CDC20B: variants seen among roughly 807,000 people sequenced by gnomAD.
The protein encoded by CDC20B is cell division cycle 20B, also known as cell division cycle protein 20 homolog B.
In CDC20B, 58 loss-of-function variants were observed where a neutral mutation model predicts 64.1. The observed-to-expected ratio is 0.90, with a 90% confidence interval of 0.73 to 1.13. CDC20B has a LOEUF of 1.13. CDC20B is among the 50% of genes most tolerant of loss of function. The pLI is 0.00. For synonymous variants in CDC20B, 243 were observed against 230.6 expected, an observed-to-expected ratio of 1.05 and a Z score of -0.49; for missense variants, 597 against 633.0, an observed-to-expected ratio of 0.94 and a Z score of 0.61.
intron 11 of CDC20B, among the ~76,000 whole-genome samples, chr5:55,116,447 T>C (rs867585483): frequency 1.3e-5 from 2 of 151,360 alleles, no homozygotes; most frequent in Middle Eastern, 3.2e-3. Context: ...CTCTAATGCT[T>C]TTATTTATTT....
intron 1 of CDC20B, 37 bp downstream of exon 1, chr5:55,172,899 TAG>T (rs1424466155): frequency 3.9e-6 from 6 of 1,554,706 alleles, no homozygotes; most frequent in Middle Eastern, 3.5e-4. Context: ...GGCCCCGCAT[TAG>T]AGAGTTAGGG....
intron 2 of CDC20B, among the ~76,000 whole-genome samples, chr5:55,148,953 T>C (rs1384393200): frequency 1.3e-5 from 2 of 152,244 alleles, no homozygotes; most frequent in Non-Finnish European, 2.9e-5. Flanking sequence ...GAGGCTCACC[T>C]GTCTGACCCC....
intron 11 of CDC20B, among the ~76,000 whole-genome samples, chr5:55,115,836 C>G (rs1212969966): frequency 6.6e-6 from 1 of 152,180 alleles, no homozygotes; most frequent in Non-Finnish European, 1.5e-5. Flanking sequence ...ACACACATCA[C>G]TCCCAACACT....
intron 11 of CDC20B, among the ~76,000 whole-genome samples, chr5:55,118,522 C>T (rs1412449716): frequency 1.3e-5 from 2 of 152,172 alleles, no homozygotes; most frequent in Non-Finnish European, 2.9e-5. Flanking sequence ...TTTGAATATC[C>T]TATCACATGC....
intron 2 of CDC20B, chr5:55,160,663 T>C (rs191411128): frequency 4.2e-6 from 2 of 478,154 alleles, no homozygotes; most frequent in East Asian, 3.6e-5. Flanking sequence ...TAGTTAGTAA[T>C]GTGAACATGA....
At chr5:55,121,897 C>T (rs1742768285) in intron 9 of CDC20B, among the ~76,000 whole-genome samples, 1 of 152,186 alleles carries the variant, frequency 6.6e-6, no homozygotes, top group South Asian at 2.1e-4. Context: ...CATCTTAACG[C>T]TTTTCTTACA....
chr5:55,134,249 T>A lies in CDC20B; in HGVS notation c.581-721A>T, dbSNP rs1489232153. Among the ~76,000 whole-genome samples, 6 of 152,186 alleles carry A rather than the reference T, an allele frequency of 3.9e-5. No homozygotes were observed. In the East Asian group the frequency reaches 1.2e-3, roughly 29 times the overall value. ...TCAAAAGAAACCAAGACCACCCAGGTGACTTGTGGTGTCTATGACCAGATG... is the reference window on the plus strand; with the variant it reads ...TCAAAAGAAACCAAGACCACCCAGGAGACTTGTGGTGTCTATGACCAGATG... On this transcript the variant is annotated intron_variant, in intron 5 of 11. Transcript: ENST00000381375.
chr5:55,124,610 C>A (rs1483146572), intron 9 of CDC20B, among the ~76,000 whole-genome samples, 193 bp downstream of exon 9: 1 of 152,114 alleles, frequency 6.6e-6, no homozygotes, highest in Non-Finnish European at 1.5e-5. Context: ...TTTCAGTCAC[C>A]TACAACTAAA....
At chr5:55,135,615 C>T (rs1463896066) in intron 5 of CDC20B, 2 of 152,088 alleles carry the variant, frequency 1.3e-5, no homozygotes, top group Admixed American at 1.3e-4. Context: ...GAAACAGACG[C>T]TTGAGGAATA....
chr5:55,144,985 T>C (rs1010459389), intron 3 of CDC20B, among the ~76,000 whole-genome samples: 3 of 152,182 alleles, frequency 2.0e-5, no homozygotes, highest in African/African-American at 7.2e-5. Flanking sequence ...CAGTAGAAAA[T>C]AAAATGGTCT....
intron 2 of CDC20B, among the ~76,000 whole-genome samples, chr5:55,163,705 A>G (rs1428837153): frequency 6.6e-6 from 1 of 150,970 alleles, no homozygotes; most frequent in Non-Finnish European, 1.5e-5. Flanking sequence ...ATGGGGTTTC[A>G]CCGTGTTGGG....
At position 55,127,365 on chromosome 5, in the gene CDC20B, C is replaced by T. The variant is rs1230759797; in HGVS notation, c.895-14G>A. On this transcript the variant is annotated splice_polypyrimidine_tract_variant and intron_variant, in intron 7 of 11. Transcript: ENST00000381375. ...CACATCCCATAACTGAAAAAATGAACAAGGAGAGTTATGTAGCATTGGAGT... is the reference window on the plus strand; with the variant it reads ...CACATCCCATAACTGAAAAAATGAATAAGGAGAGTTATGTAGCATTGGAGT... 1.9e-6 allele frequency: 3 copies of T among 1,606,432 alleles called. No homozygotes were observed. The highest frequency in any genetic ancestry group is 1.1e-5 in the South Asian group (1 of 90,904).
rs1430294517 is a variant in CDC20B at position 55,140,400 on chromosome 5, A to G, written c.494T>C (p.Leu165Pro). The change falls in exon 5 of 12, where the codon CTA becomes CCA. Residue 165 changes from leucine (L) to proline (P), a missense_variant. Physicochemically the swap from Leu to Pro is moderately conservative, Grantham distance 98 (BLOSUM62 -3). Transcript: ENST00000381375. ...GTTCTGGGTTACAAAGAGTTGTTTTAGGCATTTCTGAAAATAAACACACAT... is the reference window on the plus strand; with the variant it reads ...GTTCTGGGTTACAAAGAGTTGTTTTGGGCATTTCTGAAAATAAACACACAT... ...ESVASKGQKC[L>P]KQLFVTQNVV... 1.9e-6 allele frequency: 3 copies of G among 1,610,910 alleles called. No homozygotes were observed. Among genetic ancestry groups the G allele is most frequent in the Non-Finnish European group, 2.5e-6 (3 of 1,178,290 alleles).
rs547514754 is a variant in CDC20B at position 55,113,879 on chromosome 5, G to A, written c.*339C>T. ...TCAGAAATATGAGGTTTGGAGCTGGGGAGAAAAGTCATACGGGAAAGAAGT... is the reference window on the plus strand; with the variant it reads ...TCAGAAATATGAGGTTTGGAGCTGGAGAGAAAAGTCATACGGGAAAGAAGT... On this transcript the variant is annotated 3_prime_UTR_variant, in exon 12 of 12. Transcript: ENST00000381375. The A allele has an allele frequency of 2.0e-5, 4 of 200,230 alleles. No homozygotes were observed. In the South Asian group the frequency reaches 4.4e-4, roughly 22 times the overall value. The allele number at this position is 200,230 out of a possible 1,614,324, so 12.4% of individuals were successfully genotyped here. A position where few individuals can be genotyped will look rare whatever the true frequency, so the allele number is the denominator to read the frequency against.
rs1256394170 is a variant in CDC20B, at chr5:55,172,341, G to C, written c.126+247C>G. 6.7e-6 allele frequency: 3 copies of C among 447,134 alleles called. No individual in the cohort carries two copies. In the East Asian group the frequency reaches 1.3e-4, roughly 19 times the overall value. The allele number at this position is 447,134 out of a possible 1,614,324, so 27.7% of individuals were successfully genotyped here. A position where few individuals can be genotyped will look rare whatever the true frequency, so the allele number is the denominator to read the frequency against. On this transcript the variant is annotated intron_variant, in intron 2 of 11. Transcript: ENST00000381375. ...GCCGCTAGCAATACACTGCCTACCT[G>C]ACACATCCCAGCTTTATCCTTTGCT...
At chr5:55,164,579 G>T (rs1744280910) in intron 2 of CDC20B, 1 of 155,672 alleles carries the variant, frequency 6.4e-6, no homozygotes, top group South Asian at 2.1e-4. Flanking sequence ...ATATCTTATT[G>T]TTCAACTTGA....
At chr5:55,158,996 G>A (rs140776511) in intron 2 of CDC20B, among the ~76,000 whole-genome samples, 13 of 151,848 alleles carry the variant, frequency 8.6e-5, no homozygotes, top group East Asian at 5.8e-4. Context: ...CTTTATTATC[G>A]AGTTCAATTT....
At chr5:55,159,666 T>C (rs186116844) in intron 2 of CDC20B, among the ~76,000 whole-genome samples, 58 of 152,316 alleles carry the variant, frequency 3.8e-4, no homozygotes, top group African/African-American at 1.3e-3. Context: ...TTTTCAGATA[T>C]TTCCCTGCTC....
intron 2 of CDC20B, among the ~76,000 whole-genome samples, chr5:55,154,722 G>A (rs2111912376): frequency 6.6e-6 from 1 of 152,214 alleles, no homozygotes; most frequent in East Asian, 1.9e-4. Flanking sequence ...CCCTGCACTA[G>A]GGACATATGG....
Sources: gnomAD v4.1 joint callset for allele counts (sites outside exome capture counted in the v4.1 genomes callset) on GRCh38, gnomAD v4.1.1 for gene constraint, MANE v1.5 for transcripts, NCBI Gene and HGNC (gene_info 2026-07-23, HGNC 2026-07-21) for gene names.